Variants in ADGRV1 observed in about 807,000 individuals in gnomAD.
The protein encoded by ADGRV1 is adhesion G protein-coupled receptor V1.
A neutral mutation model predicts 596.2 loss-of-function variants in ADGRV1; 359 were observed. That is an observed-to-expected ratio of 0.60 (90% CI 0.55 to 0.66). The LOEUF is 0.66. Ranked by LOEUF, ADGRV1 falls within the 30% of genes least tolerant of loss-of-function variation. The pLI is 0.00. For synonymous variants in ADGRV1, 2,681 were observed against 2,679.2 expected, an observed-to-expected ratio of 1.00 and a Z score of -0.02; for missense variants, 7,274 against 7,575.6, an observed-to-expected ratio of 0.96 and a Z score of 1.48.
In ADGRV1 at chr5:90,815,730, C is replaced by T. The variant is rs998194428; in HGVS notation, c.16190C>T (p.Pro5397Leu). The part of the protein sequence containing the change: ...RRLHLIVTRQ[P>L]NRAFEDVKVF... The stretch of plus-strand genomic sequence containing the variant: ...TTGCACCTTATTGTCACAAGACAGC[C>T]AAACAGGTATGTGTATATATAGTAT... Residue 5397 changes from proline to leucine, a missense_variant, in exon 75 of 90, where the codon CCA (proline) becomes CTA (leucine). By Grantham distance (98) the Pro-to-Leu change is moderately conservative. Transcript: ENST00000405460. 2.0e-6 allele frequency: 3 copies of T among 1,498,012 alleles called. No individual in the cohort carries two copies. The highest frequency in any genetic ancestry group is 3.8e-5 in the Admixed American group (2 of 51,966). The allele number at this position is 1,498,012 out of a possible 1,614,324, so 92.8% of individuals were successfully genotyped here. A position where few individuals can be genotyped will look rare whatever the true frequency, so the allele number is the denominator to read the frequency against.
At chr5:90,561,227 G>A (rs886838279) in intron 1 of ADGRV1, among the ~76,000 whole-genome samples, 1 of 152,124 alleles carries the variant, frequency 6.6e-6, no homozygotes, top group African/African-American at 2.4e-5. Flanking sequence ...ATGTGTGATC[G>A]TTCATTGTTC....
At chr5:90,977,323 T>G (rs1406968110) in intron 84 of ADGRV1, among the ~76,000 whole-genome samples, 1 of 152,190 alleles carries the variant, frequency 6.6e-6, no homozygotes, top group African/African-American at 2.4e-5. Flanking sequence ...AAATGAATGA[T>G]TAAGGGCATA....
At position 90,625,177 on chromosome 5, in the gene ADGRV1, A is replaced by G. The variant is rs1375758756; in HGVS notation, c.606A>G (p.Lys202=). ...CTGATGAAGATTTGAGTCCAGTTAA[A>G]GGAAATATCACCTTTCCCCCTGGCA... ...NPPDEDLSPV[K]GNITFPPGRA... is the part of the protein sequence containing the mutation. Residue 202 remains lysine, a synonymous_variant, in exon 6 of 90, where the codon AAA becomes AAG. Transcript: ENST00000405460. The G allele has an allele frequency of 6.2e-7, 1 of 1,613,560 alleles. No individual in the cohort carries two copies. The highest frequency in any genetic ancestry group is 1.3e-5 in the African/African-American group (1 of 74,932).
chr5:90,979,851 C>T (rs2151027332), intron 84 of ADGRV1, among the ~76,000 whole-genome samples: 3 of 152,284 alleles, frequency 2.0e-5, no homozygotes, highest in Middle Eastern at 6.8e-3. Flanking sequence ...ATTGCAGAAC[C>T]ATGTCAAAGA....
At chr5:90,752,500 G>A (rs7708244) in intron 53 of ADGRV1, among the ~76,000 whole-genome samples, 6,771 of 151,954 alleles carry the variant, frequency 0.045, 500 homozygotes, top group African/African-American at 0.16. Context: ...CCCTCTATGC[G>A]TCCATGTGTT....
At chr5:90,627,812 TTATTA>T in intron 7 of ADGRV1, 36 bp downstream of exon 7, 1 of 1,243,394 alleles carries the variant, frequency 8.0e-7, no homozygotes, top group Non-Finnish European at 1.1e-6. Flanking sequence ...TACCATTATT[TTATTA>T]TATTATTCCA....
At chr5:90,569,998 C>T (rs541490094) in intron 1 of ADGRV1, among the ~76,000 whole-genome samples, 34 of 152,088 alleles carry the variant, frequency 2.2e-4, no homozygotes, top group Admixed American at 1.7e-3. Flanking sequence ...TACATTTATG[C>T]CATCTTTTAT....
intron 82 of ADGRV1, among the ~76,000 whole-genome samples, chr5:90,861,945 G>A (rs770104219): frequency 1.3e-5 from 2 of 151,940 alleles, no homozygotes; most frequent in Admixed American, 1.3e-4. Context: ...CGTAAAAAAC[G>A]CATCTAGATA....
intron 84 of ADGRV1, among the ~76,000 whole-genome samples, chr5:90,975,693 G>C (rs964822402): frequency 6.6e-6 from 1 of 152,048 alleles, no homozygotes; most frequent in African/African-American, 2.4e-5. Context: ...TCACACACCG[G>C]GGCCTGTCCT....
intron 70 of ADGRV1, among the ~76,000 whole-genome samples, chr5:90,795,855 C>T (rs1254852713): frequency 1.3e-5 from 2 of 152,194 alleles, no homozygotes; most frequent in South Asian, 2.1e-4. Flanking sequence ...TCCAGGCAAA[C>T]AGGGTCTGGA....
intron 70 of ADGRV1, among the ~76,000 whole-genome samples, chr5:90,802,239 C>T (rs114149065): frequency 0.013 from 1,921 of 152,134 alleles, 44 homozygotes; most frequent in African/African-American, 0.044. Context: ...GAAGGGGAGA[C>T]GGAGTCTTGC....
chr5:91,064,809 TA>T (rs1201586421), intron 85 of ADGRV1, among the ~76,000 whole-genome samples: 2 of 152,168 alleles, frequency 1.3e-5, no homozygotes, highest in South Asian at 2.1e-4. Context: ...TTTATTCCTT[TA>T]AAAAAATTAA....
intron 25 of ADGRV1, among the ~76,000 whole-genome samples, chr5:90,678,415 T>C (rs1274819308): frequency 1.3e-5 from 2 of 151,988 alleles, no homozygotes; most frequent in African/African-American, 4.8e-5. Flanking sequence ...TTTCTCTTTA[T>C]TATTGCCAAA....
chr5:90,777,214 A>G (rs1022108916), intron 61 of ADGRV1, among the ~76,000 whole-genome samples: 1 of 152,062 alleles, frequency 6.6e-6, no homozygotes, highest in African/African-American at 2.4e-5. Flanking sequence ...GGTGCTATGT[A>G]CTTTTCAACA....
intron 83 of ADGRV1, among the ~76,000 whole-genome samples, chr5:90,940,425 T>A (rs1052349215): frequency 6.6e-6 from 1 of 152,236 alleles, no homozygotes; most frequent in Non-Finnish European, 1.5e-5. Flanking sequence ...TGCTGCTGCT[T>A]CTTATTCCAT....
At position 90,683,983 on chromosome 5, in the gene ADGRV1, T is replaced by C. The variant is rs1745278727; in HGVS notation, c.6062T>C (p.Met2021Thr). The change falls in exon 28 of 90, where the codon ATG (methionine) becomes ACG (threonine). Residue 2021 changes from methionine (M) to threonine (T), a missense_variant. By Grantham distance (81) the Met-to-Thr change is moderately conservative. This residue lies in a region of ADGRV1 where 3,643 missense variants were observed against 3,809.2 expected (regional missense o/e 0.96). Transcript: ENST00000405460. ...VLVSYATLDD[M>T]EKPPYFPPNL... ...GTCTCATATGCAACACTAGATGATA[T>C]GGAAAAACCACCTTATTTTCCACCT... 3 of 1,613,822 alleles carry C rather than the reference T, an allele frequency of 1.9e-6. No homozygotes were observed. The highest frequency in any genetic ancestry group is 2.5e-6 in the Non-Finnish European group (3 of 1,179,882).
At chr5:90,724,798 A>G (rs1281595215) in intron 45 of ADGRV1, 34 bp from the exon 46 acceptor site, 14 of 1,597,852 alleles carry the variant, frequency 8.8e-6, no homozygotes, top group African/African-American at 1.3e-5. Flanking sequence ...TTGAAGGAGT[A>G]ATAAACTAGT....
intron 1 of ADGRV1, among the ~76,000 whole-genome samples, chr5:90,610,387 TG>T (rs903682427): frequency 7.9e-5 from 12 of 151,954 alleles, no homozygotes; most frequent in African/African-American, 2.7e-4. Context: ...AGCAAGATAT[TG>T]GGGTTCCTTG....
intron 59 of ADGRV1, among the ~76,000 whole-genome samples, chr5:90,770,611 A>G (rs1383994980): frequency 6.6e-6 from 1 of 152,194 alleles, no homozygotes. Context: ...TCATGCAACC[A>G]GTCTCTGCCA....
Sources: allele counts gnomAD v4.1 joint callset (sites outside exome capture counted in the v4.1 genomes callset), GRCh38; gene constraint gnomAD v4.1.1; regional missense constraint gnomAD v4.1.1; transcripts MANE v1.5; gene names NCBI Gene and HGNC (gene_info 2026-07-23, HGNC 2026-07-21).